PBX1: variants seen among roughly 807,000 people sequenced by gnomAD.
PBX1 encodes pre-B-cell leukemia transcription factor 1.
In PBX1, 6 loss-of-function variants were observed where a neutral mutation model predicts 53.4. The ratio of observed to expected loss-of-function variants is 0.11; its 90% CI spans 0.06 to 0.22. The LOEUF (loss-of-function observed/expected upper bound fraction) is 0.22. PBX1 is among the 10% of genes least tolerant of loss of function. PBX1 has a pLI of 1.00. For synonymous variants in PBX1, 204 were observed against 212.3 expected, an observed-to-expected ratio of 0.96 and a Z score of 0.34; for missense variants, 251 against 551.4, an observed-to-expected ratio of 0.46 and a Z score of 5.46.
chr1:164,831,923 T>C (rs776865151), intron 8 of PBX1, among the ~76,000 whole-genome samples: 1 of 152,168 alleles, frequency 6.6e-6, no homozygotes, highest in Non-Finnish European at 1.5e-5. Flanking sequence ...GATGGTTTAG[T>C]TTTATTCTAC....
At chr1:164,620,975 G>A (rs2792255) in intron 2 of PBX1, among the ~76,000 whole-genome samples, 97,378 of 151,364 alleles carry the variant, frequency 0.64, 31,658 homozygotes, top group East Asian at 0.93. Flanking sequence ...GAGCCACTGC[G>A]CCCGGCATTA....
At chr1:164,691,703 G>A (rs57432142) in intron 2 of PBX1, among the ~76,000 whole-genome samples, 2,810 of 152,218 alleles carry the variant, frequency 0.018, 92 homozygotes, top group African/African-American at 0.064. Context: ...CCCAACTGAT[G>A]TTGCGTCACC....
intron 2 of PBX1, among the ~76,000 whole-genome samples, chr1:164,613,379 G>C (rs1657063048): frequency 6.6e-6 from 1 of 152,198 alleles, no homozygotes; most frequent in African/African-American, 2.4e-5. Context: ...ACCCCTTGCT[G>C]ACTCAGCCTT....
chr1:164,756,289 G>A (rs1032173142), intron 2 of PBX1, among the ~76,000 whole-genome samples: 5 of 152,140 alleles, frequency 3.3e-5, no homozygotes, highest in African/African-American at 9.7e-5. Context: ...TCACAAAAGG[G>A]CTGTCTGATT....
chr1:164,828,908 C>G (rs924949653), intron 8 of PBX1: 1 of 152,028 alleles, frequency 6.6e-6, no homozygotes, highest in African/African-American at 2.4e-5. Flanking sequence ...CTTAGAAAAT[C>G]CCTTTGTTTT....
intron 2 of PBX1, among the ~76,000 whole-genome samples, chr1:164,760,016 G>A (rs980314845): frequency 1.3e-5 from 2 of 152,162 alleles, no homozygotes; most frequent in African/African-American, 4.8e-5. Flanking sequence ...CAAGCACGCA[G>A]CCACACGTGC....
chr1:164,741,739 A>AGTGAGTGTGTGT (rs147987402), intron 2 of PBX1, among the ~76,000 whole-genome samples: 1 of 140,812 alleles, frequency 7.1e-6, no homozygotes, highest in Non-Finnish European at 1.5e-5. Context: ...TGTATGAGTG[A>AGTGAGTGTGTGT]GTGTGTGTGT....
chr1:164,625,968 TC>T, intron 2 of PBX1: 1 of 1,040,628 alleles, frequency 9.6e-7, no homozygotes, highest in East Asian at 5.7e-5. Flanking sequence ...CCCTCATTGT[TC>T]TTTTTGGTGA....
At chr1:164,730,196 T>C (rs1480383721) in intron 2 of PBX1, among the ~76,000 whole-genome samples, 1 of 152,220 alleles carries the variant, frequency 6.6e-6, no homozygotes. Context: ...CAATTAGTTC[T>C]GCCCTATTCC....
intron 2 of PBX1, chr1:164,683,120 A>G (rs1204167330): frequency 6.6e-6 from 1 of 152,254 alleles, no homozygotes; most frequent in African/African-American, 2.4e-5. Flanking sequence ...ATTAGTAAGC[A>G]GATAACAGTA....
intron 2 of PBX1, among the ~76,000 whole-genome samples, chr1:164,689,347 T>C (rs1662322800): frequency 6.6e-6 from 1 of 151,914 alleles, no homozygotes; most frequent in Non-Finnish European, 1.5e-5. Flanking sequence ...TTTTTTTTCC[T>C]CCAGAATAAC....
At chr1:164,626,900 T>G (rs1358641037) in intron 2 of PBX1, among the ~76,000 whole-genome samples, 1 of 152,176 alleles carries the variant, frequency 6.6e-6, no homozygotes, top group Non-Finnish European at 1.5e-5. Context: ...CAGTTGGTGA[T>G]TTTATATCAT....
At chr1:164,828,236 C>T (rs763051129) in intron 8 of PBX1, among the ~76,000 whole-genome samples, 19 of 152,050 alleles carry the variant, frequency 1.2e-4, no homozygotes, top group Non-Finnish European at 2.8e-4. Context: ...TCACACTAAA[C>T]AGTATCACAT....
rs147116451 is a variant in PBX1 at position 164,782,971 on chromosome 1, T to A, written c.266-9523T>A. Among the ~76,000 whole-genome samples, 3 of 152,350 alleles carry A rather than the reference T, an allele frequency of 2.0e-5. No homozygotes were observed. In the East Asian group the frequency reaches 5.8e-4, roughly 29 times the overall value. On this transcript the variant is annotated intron_variant, in intron 2 of 8. Coordinates refer to ENST00000420696, the MANE Select transcript of PBX1 (RefSeq NM_002585.4). ...TTACCCTCTTCTGGTTATAATTTAT[T>A]TATTTTTTAATGGAAATTTGAAAGC...
intron 2 of PBX1, among the ~76,000 whole-genome samples, chr1:164,760,697 C>T (rs1431413495): frequency 6.6e-6 from 1 of 152,126 alleles, no homozygotes; most frequent in African/African-American, 2.4e-5. Flanking sequence ...TTCATTCTCC[C>T]GGCTGCTAAT....
intron 2 of PBX1, among the ~76,000 whole-genome samples, chr1:164,621,970 C>T (rs1447995578): frequency 6.6e-6 from 1 of 152,090 alleles, no homozygotes; most frequent in Non-Finnish European, 1.5e-5. Context: ...GTAAATGAAC[C>T]CTGGTTGCAT....
intron 2 of PBX1, among the ~76,000 whole-genome samples, chr1:164,633,705 C>T (rs1237183290): frequency 1.3e-5 from 2 of 152,082 alleles, no homozygotes; most frequent in African/African-American, 4.8e-5. Context: ...GATTTGAATC[C>T]CAGCTCCTTC....
intron 2 of PBX1, among the ~76,000 whole-genome samples, chr1:164,711,394 G>A (rs6663237): frequency 0.47 from 71,872 of 152,010 alleles, 17,914 homozygotes; most frequent in Middle Eastern, 0.66. Flanking sequence ...CTCCCGAGTA[G>A]CTGGGACTAC....
chr1:164,819,098 C>T (rs1028077932), intron 6 of PBX1: 5 of 152,172 alleles, frequency 3.3e-5, no homozygotes, highest in Non-Finnish European at 5.9e-5. Flanking sequence ...GTTGAGCTTT[C>T]TTTCCTAATG....
Sources: gnomAD v4.1 joint callset for allele counts (sites outside exome capture counted in the v4.1 genomes callset) on GRCh38, gnomAD v4.1.1 for gene constraint, MANE v1.5 for transcripts, NCBI Gene and HGNC (gene_info 2026-07-23, HGNC 2026-07-21) for gene names.